STEAP1B: variants seen among roughly 807,000 people sequenced by gnomAD.
The protein encoded by STEAP1B is STEAP family protein MGC87042.
In STEAP1B, 13 loss-of-function variants were observed where a neutral mutation model predicts 27.9. The observed-to-expected ratio is 0.47, with a 90% CI of 0.30 to 0.74. The LOEUF (loss-of-function observed/expected upper bound fraction) is 0.74. STEAP1B is among the 30% of genes least tolerant of loss of function. The probability of loss-of-function intolerance (pLI) is 0.06; values close to 1 mark genes in which losing one functional copy is unlikely to be tolerated. For synonymous variants in STEAP1B, 86 were observed against 107.1 expected (o/e 0.80, Z 1.22); for missense variants, 250 against 298.7 (o/e 0.84, Z 1.20).
chr7:22,427,615 T>C (rs1785125652), intron 4 of STEAP1B, among the ~76,000 whole-genome samples: 1 of 152,208 alleles, frequency 6.6e-6, no homozygotes, highest in Non-Finnish European at 1.5e-5. Flanking sequence ...AGGCTCATGT[T>C]AGCATAGAAG....
At chr7:22,431,544 C>A (rs1234194222) in intron 4 of STEAP1B, among the ~76,000 whole-genome samples, 3 of 152,190 alleles carry the variant, frequency 2.0e-5, no homozygotes, top group Non-Finnish European at 2.9e-5. Context: ...AGTGAGGTCT[C>A]CTCCCAGAGC....
chr7:22,438,381 A>C, intron 4 of STEAP1B: 1 of 1,239,376 alleles, frequency 8.1e-7, no homozygotes, highest in Non-Finnish European at 1.1e-6. Context: ...AAATAATTGG[A>C]GTAAGTTTGG....
At chr7:22,469,041 G>T (rs1328945846) in intron 4 of STEAP1B, among the ~76,000 whole-genome samples, 1 of 152,008 alleles carries the variant, frequency 6.6e-6, no homozygotes, top group East Asian at 1.9e-4. Flanking sequence ...TACTTCAGGA[G>T]GTATTCCAGA....
intron 4 of STEAP1B, among the ~76,000 whole-genome samples, chr7:22,457,210 A>C (rs1785602787): frequency 6.6e-6 from 1 of 151,708 alleles, no homozygotes; most frequent in African/African-American, 2.4e-5. Flanking sequence ...TCTGGTACTG[A>C]GGACTTAATT....
chr7:22,439,609 TG>T (rs1335558949), intron 4 of STEAP1B, among the ~76,000 whole-genome samples: 1 of 152,184 alleles, frequency 6.6e-6, no homozygotes, highest in Non-Finnish European at 1.5e-5. Flanking sequence ...TACAAAATTT[TG>T]GGGGAGCACA....
At chr7:22,463,708 G>C (rs2128408645) in intron 4 of STEAP1B, among the ~76,000 whole-genome samples, 1 of 152,200 alleles carries the variant, frequency 6.6e-6, no homozygotes, top group Non-Finnish European at 1.5e-5. Flanking sequence ...AATGGGGAAA[G>C]GATTCCCTAC....
rs3064738 is a variant in STEAP1B at position 22,456,972 on chromosome 7, ATT to A, written c.762+35591_762+35592del. Among the ~76,000 whole-genome samples the A allele has an allele frequency of 5.4e-3, 306 of 57,072 alleles. 46 individuals carry two copies. The highest frequency in any genetic ancestry group is 0.016 in the South Asian group (16 of 994). 37.4% of individuals were successfully genotyped at this position (57,072 alleles called of 152,430 possible). ...GGCAGCTATATATATATATATATAT[ATT>A]TTTTTTTTTTTTAAGTATCCTGGGT... On this transcript the variant is annotated intron_variant, in intron 4 of 4. Coordinates refer to ENST00000678116, the MANE Select transcript of STEAP1B (RefSeq NM_001382447.1).
chr7:22,476,938 C>T (rs1785983206), intron 4 of STEAP1B, among the ~76,000 whole-genome samples: 1 of 152,178 alleles, frequency 6.6e-6, no homozygotes, highest in Admixed American at 6.5e-5. Context: ...CTTTTGCTGG[C>T]TGTTGTCCAC....
chr7:22,431,513 A>C (rs77007463), intron 4 of STEAP1B, among the ~76,000 whole-genome samples: 5 of 152,208 alleles, frequency 3.3e-5, no homozygotes, highest in Non-Finnish European at 5.9e-5. Context: ...AGCTAATCAG[A>C]ACCTAGGACT....
chr7:22,420,100 T>C (rs1042198689), intron 4 of STEAP1B, among the ~76,000 whole-genome samples: 2 of 152,050 alleles, frequency 1.3e-5, no homozygotes, highest in Non-Finnish European at 2.9e-5. Context: ...CATTACTATC[T>C]CTCTCTCAAA....
At chr7:22,469,819 C>G (rs1562578261) in intron 4 of STEAP1B, among the ~76,000 whole-genome samples, 3 of 152,290 alleles carry the variant, frequency 2.0e-5, no homozygotes, top group Non-Finnish European at 1.5e-5. Context: ...TTAAGTGATG[C>G]ATGAGTGCAT....
At chr7:22,419,982 G>A (rs764159062) in intron 4 of STEAP1B, 146 bp from the exon 5 acceptor site, 12 of 949,788 alleles carry the variant, frequency 1.3e-5, no homozygotes, top group Non-Finnish European at 1.8e-5. Flanking sequence ...GGCAAAGCTA[G>A]GCCTAGAATT....
At chr7:22,461,623 T>C (rs2128407984) in intron 4 of STEAP1B, among the ~76,000 whole-genome samples, 1 of 152,294 alleles carries the variant, frequency 6.6e-6, no homozygotes, top group South Asian at 2.1e-4. Flanking sequence ...CCCAAAGCAG[T>C]TACAGGTCAT....
intron 1 of STEAP1B, among the ~76,000 whole-genome samples, chr7:22,495,192 G>T (rs1419938694): frequency 1.3e-5 from 2 of 152,136 alleles, no homozygotes; most frequent in East Asian, 3.8e-4. Context: ...TTAACTTCAG[G>T]TTTCCATCTG....
intron 4 of STEAP1B, among the ~76,000 whole-genome samples, chr7:22,470,007 T>C (rs996547288): frequency 5.9e-5 from 9 of 152,200 alleles, no homozygotes; most frequent in Non-Finnish European, 1.2e-4. Context: ...TGCATAGACA[T>C]AAATTATTAC....
At chr7:22,481,012 C>T (rs73684092) in intron 4 of STEAP1B, among the ~76,000 whole-genome samples, 6,812 of 152,296 alleles carry the variant, frequency 0.045, 498 homozygotes, top group African/African-American at 0.16. Context: ...CTAACAGGCT[C>T]AGTGTTAAGC....
chr7:22,485,975 A>G (rs966596978), intron 4 of STEAP1B, among the ~76,000 whole-genome samples: 1 of 152,198 alleles, frequency 6.6e-6, no homozygotes, highest in Admixed American at 6.5e-5. Context: ...TAATACACGT[A>G]CACAGCTATT....
At chr7:22,436,725 C>A (rs1785259957) in intron 4 of STEAP1B, among the ~76,000 whole-genome samples, 1 of 152,206 alleles carries the variant, frequency 6.6e-6, no homozygotes, top group South Asian at 2.1e-4. Flanking sequence ...GACATGCTCT[C>A]ATTCCTTTTT....
rs916473162 is a variant in STEAP1B, at chr7:22,473,352, G to C, written c.762+19213C>G. 2.0e-5 allele frequency among the ~76,000 whole-genome samples: 3 copies of C among 152,286 alleles called. No homozygotes were observed. In the East Asian group the frequency reaches 5.8e-4, roughly 29 times the overall value. On this transcript the variant is annotated intron_variant, in intron 4 of 4. Transcript: ENST00000678116. Reference sequence around the variant, plus strand: ...TCCCAAATTGTTACATTTCATCTTAGCCTAGATGTAGAAAGTGACTCAGGT... The same window carrying C: ...TCCCAAATTGTTACATTTCATCTTACCCTAGATGTAGAAAGTGACTCAGGT...
Sources: gnomAD v4.1 joint callset for allele counts (sites outside exome capture counted in the v4.1 genomes callset) on GRCh38, gnomAD v4.1.1 for gene constraint, MANE v1.5 for transcripts, NCBI Gene and HGNC (gene_info 2026-07-23, HGNC 2026-07-21) for gene names.